SSH2: variants seen among roughly 807,000 people sequenced by gnomAD.
SSH2 encodes protein phosphatase Slingshot homolog 2.
In SSH2, 37 loss-of-function variants were observed where a neutral mutation model predicts 135.2. The observed-to-expected ratio is 0.27, with a 90% CI of 0.21 to 0.36. SSH2 has a LOEUF of 0.36. Ranked by LOEUF, SSH2 falls within the 10% of genes least tolerant of loss-of-function variation. The pLI is 1.00. For missense variants in SSH2, 1,408 were observed against 1,765.3 expected (o/e 0.80, Z 3.63); for synonymous variants, 628 against 646.2 (o/e 0.97, Z 0.43).
intron 1 of SSH2, among the ~76,000 whole-genome samples, chr17:29,877,821 G>GT (rs1258577003): frequency 3.9e-5 from 6 of 152,018 alleles, no homozygotes; most frequent in African/African-American, 9.7e-5. Flanking sequence ...GAGCAGGATG[G>GT]TTCACATCTG....
intron 3 of SSH2, among the ~76,000 whole-genome samples, chr17:29,708,668 A>G (rs1246039454): frequency 6.6e-6 from 1 of 151,418 alleles, no homozygotes; most frequent in Non-Finnish European, 1.5e-5. Flanking sequence ...TTCTGAATTG[A>G]CTAGTTCTGT....
chr17:29,684,698 G>C lies in SSH2; in HGVS notation c.358-14C>G, dbSNP rs1408313304. On this transcript the variant is annotated splice_polypyrimidine_tract_variant and intron_variant, in intron 5 of 15. Coordinates refer to ENST00000540801, the MANE Select transcript of SSH2 (RefSeq NM_001282129.2). ...CAGTCTTACAGCCTGGAATTTAGCA[G>C]ACAACAGAGAAATTATGAAATTTAG... is the stretch of plus-strand genomic sequence containing the variant. The C allele has an allele frequency of 6.2e-7, 1 of 1,601,870 alleles. No individual in the cohort carries two copies. The highest frequency in any genetic ancestry group is 8.5e-7 in the Non-Finnish European group (1 of 1,175,142).
At chr17:29,633,011 C>T (rs970855624) in intron 15 of SSH2, 80 bp from the exon 16 acceptor site, 3 of 1,283,818 alleles carry the variant, frequency 2.3e-6, no homozygotes, top group Non-Finnish European at 3.3e-6. Flanking sequence ...TATTAATCCT[C>T]TGATCCAGGA....
intron 11 of SSH2, among the ~76,000 whole-genome samples, chr17:29,664,545 G>C (rs907632033): frequency 4.6e-5 from 7 of 152,022 alleles, no homozygotes; most frequent in African/African-American, 1.7e-4. Context: ...TCAGGGTGGA[G>C]TGCAGTGGCA....
intron 1 of SSH2, among the ~76,000 whole-genome samples, chr17:29,913,905 A>C (rs1187491471): frequency 6.6e-6 from 1 of 152,086 alleles, no homozygotes; most frequent in Non-Finnish European, 1.5e-5. Context: ...AAGTGCTGGA[A>C]TTACAGGCAT....
intron 3 of SSH2, among the ~76,000 whole-genome samples, chr17:29,780,015 G>C (rs777490625): frequency 7.2e-5 from 11 of 151,758 alleles, no homozygotes; most frequent in Non-Finnish European, 1.3e-4. Flanking sequence ...TCAGTTGTTC[G>C]AGACCAGTCT....
intron 3 of SSH2, chr17:29,787,603 G>A (rs1192472397): frequency 1.3e-5 from 2 of 152,102 alleles, no homozygotes; most frequent in African/African-American, 4.8e-5. Flanking sequence ...CCCACCAATA[G>A]TGCACAAGGC....
intron 3 of SSH2, among the ~76,000 whole-genome samples, chr17:29,722,390 A>G (rs926528707): frequency 2.0e-5 from 3 of 152,162 alleles, no homozygotes; most frequent in Admixed American, 1.3e-4. Context: ...GCCATACTCT[A>G]GAGTACTTGG....
At chr17:29,913,376 A>G (rs1489357286) in intron 1 of SSH2, among the ~76,000 whole-genome samples, 1 of 105,068 alleles carries the variant, frequency 9.5e-6, no homozygotes, top group Non-Finnish European at 1.9e-5. Flanking sequence ...ATATATATAT[A>G]TATATATCCA....
chr17:29,825,139 C>G (rs2042722525), intron 2 of SSH2, among the ~76,000 whole-genome samples: 1 of 152,152 alleles, frequency 6.6e-6, no homozygotes, highest in African/African-American at 2.4e-5. Context: ...TTCCTACGGA[C>G]AGTTTCTATT....
At chr17:29,779,047 GA>G (rs1304905527) in intron 3 of SSH2, among the ~76,000 whole-genome samples, 1 of 151,900 alleles carries the variant, frequency 6.6e-6, no homozygotes, top group Non-Finnish European at 1.5e-5. Flanking sequence ...ATCTAGGGGG[GA>G]AAAGTAAAAT....
chr17:29,701,651 A>T (rs1598835127), intron 4 of SSH2, among the ~76,000 whole-genome samples: 1 of 151,140 alleles, frequency 6.6e-6, no homozygotes. Context: ...GCTCACTGTA[A>T]CCTTCGCTTC....
chr17:29,809,024 C>A (rs1199119514), intron 2 of SSH2, among the ~76,000 whole-genome samples: 2 of 152,108 alleles, frequency 1.3e-5, no homozygotes, highest in Non-Finnish European at 2.9e-5. Context: ...GAGGCTGAGG[C>A]GGGCAGGTCA....
chr17:29,877,520 T>C (rs1485811558), intron 1 of SSH2, among the ~76,000 whole-genome samples: 1 of 152,168 alleles, frequency 6.6e-6, no homozygotes, highest in African/African-American at 2.4e-5. Flanking sequence ...GGCCCTTATA[T>C]ACAATGGAGT....
At chr17:29,756,683 C>T (rs2041139884) in intron 3 of SSH2, among the ~76,000 whole-genome samples, 1 of 151,842 alleles carries the variant, frequency 6.6e-6, no homozygotes, top group South Asian at 2.1e-4. Flanking sequence ...GAGATACAGT[C>T]TCACCCTGTC....
intron 1 of SSH2, among the ~76,000 whole-genome samples, chr17:29,924,585 T>C (rs772819984): frequency 2.6e-5 from 4 of 152,118 alleles, no homozygotes; most frequent in African/African-American, 4.8e-5. Flanking sequence ...TCTGTCCCTA[T>C]ATTAATTAGG....
intron 5 of SSH2, 83 bp downstream of exon 5, chr17:29,695,376 T>C: frequency 9.8e-7 from 1 of 1,020,230 alleles, no homozygotes; most frequent in Non-Finnish European, 1.5e-6. Context: ...AGCACTGTGT[T>C]GGGATGTAAA....
intron 2 of SSH2, among the ~76,000 whole-genome samples, chr17:29,813,085 C>T (rs1327668409): frequency 1.3e-5 from 2 of 151,548 alleles, no homozygotes; most frequent in Non-Finnish European, 2.9e-5. Context: ...AAGATAAACA[C>T]CAATAAAAAA....
At chr17:29,646,911 G>A (rs2036392360) in intron 14 of SSH2, among the ~76,000 whole-genome samples, 1 of 151,878 alleles carries the variant, frequency 6.6e-6, no homozygotes, top group African/African-American at 2.4e-5. Context: ...TACTGGAGAA[G>A]GCTCAGTGAA....
Sources: gnomAD v4.1 joint callset for allele counts (sites outside exome capture counted in the v4.1 genomes callset) on GRCh38, gnomAD v4.1.1 for gene constraint, MANE v1.5 for transcripts, NCBI Gene and HGNC (gene_info 2026-07-23, HGNC 2026-07-21) for gene names.